Variants in MICAL2 observed in about 807,000 individuals in gnomAD.
MICAL2 encodes microtubule associated monooxygenase, calponin and LIM domain containing 2.
MICAL2 carries 77 observed loss-of-function variants against 127.3 expected under a neutral mutation model. The ratio of observed to expected loss-of-function variants is 0.60; its 90% CI spans 0.50 to 0.73. The LOEUF (loss-of-function observed/expected upper bound fraction) is 0.73. Among genes scored for constraint, MICAL2 ranks in the 30% least tolerant of loss-of-function variants. MICAL2 has a pLI of 0.00. For synonymous variants in MICAL2, 570 were observed against 551.1 expected, an observed-to-expected ratio of 1.03 and a Z score of -0.48; for missense variants, 1,351 against 1,434.4, an observed-to-expected ratio of 0.94 and a Z score of 0.94.
chr11:12,163,221 C>T (rs1855049842), intron 3 of MICAL2, among the ~76,000 whole-genome samples: 1 of 152,180 alleles, frequency 6.6e-6, no homozygotes, highest in Non-Finnish European at 1.5e-5. Context: ...CTGAAATGCC[C>T]AGCACCAGAT....
intron 3 of MICAL2, among the ~76,000 whole-genome samples, chr11:12,181,262 C>T (rs1857448567): frequency 6.6e-6 from 1 of 152,126 alleles, no homozygotes; most frequent in Admixed American, 6.6e-5. Context: ...CATTTATTTT[C>T]AAAAGAAATT....
At chr11:12,207,967 T>C (rs1854947059) in intron 4 of MICAL2, 56 bp from the exon 5 acceptor site, 1 of 1,295,924 alleles carries the variant, frequency 7.7e-7, no homozygotes, top group South Asian at 1.2e-5. Flanking sequence ...GCATTCTGCA[T>C]ATAGGTGGTG....
chr11:12,268,867 C>T (rs1243453243), intron 24 of MICAL2, among the ~76,000 whole-genome samples: 1 of 151,892 alleles, frequency 6.6e-6, no homozygotes, highest in African/African-American at 2.4e-5. Context: ...GGCGTAGTGG[C>T]AGGCGCCTGT....
At chr11:12,251,686 G>C (rs1006645660) in intron 22 of MICAL2, among the ~76,000 whole-genome samples, 2 of 151,946 alleles carry the variant, frequency 1.3e-5, no homozygotes, top group African/African-American at 4.8e-5. Context: ...GTGGGACCAG[G>C]TGTGGTCTTC....
In MICAL2 at chr11:12,226,500, C is replaced by CA. The variant is rs1857466361; in HGVS notation, c.1888+133dup. Reference sequence around the variant, plus strand: ...AGTGTGTTCCCCTTGACTTTGAGGCCAAACAGGGGTGACTCCACTCACCCA... The same window carrying CA: ...AGTGTGTTCCCCTTGACTTTGAGGCCAAAACAGGGGTGACTCCACTCACCCA... On this transcript the variant is annotated intron_variant, in intron 14 of 27. Coordinates refer to ENST00000683283, the MANE Select transcript of MICAL2 (RefSeq NM_001282663.2). The CA allele has an allele frequency of 4.6e-6, 4 of 863,422 alleles. No individual in the cohort carries two copies. In the East Asian group the frequency reaches 1.1e-4, roughly 23 times the overall value. 53.5% of individuals were successfully genotyped at this position (863,422 alleles called of 1,614,324 possible). A position where few individuals can be genotyped will look rare whatever the true frequency, so the allele number is the denominator to read the frequency against.
At chr11:12,330,901 GT>G (rs1864418576) in intron 32 of MICAL2, among the ~76,000 whole-genome samples, 1 of 54,014 alleles carries the variant, frequency 1.9e-5, no homozygotes, top group African/African-American at 1.3e-4. Flanking sequence ...GAGAGAGAGA[GT>G]GTGTGTGTGT....
chr11:12,185,709 C>T lies in MICAL2; in HGVS notation c.265-18541C>T, dbSNP rs192839001. On this transcript the variant is annotated intron_variant, in intron 3 of 27. Coordinates refer to ENST00000683283, the MANE Select transcript of MICAL2 (RefSeq NM_001282663.2). The stretch of plus-strand genomic sequence containing the variant: ...TCTTAGTGTTCTTTGTACGGTACTC[C>T]GCACTGCTCAGCTCTCCCAGCAGAG... Among the ~76,000 whole-genome samples the T allele has an allele frequency of 6.6e-4, 100 of 152,224 alleles. 4 individuals carry two copies. The South Asian group carries it at 0.015, about 22-fold the overall frequency.
chr11:12,349,126 G>T (rs931742887), intron 32 of MICAL2, among the ~76,000 whole-genome samples: 3 of 152,092 alleles, frequency 2.0e-5, no homozygotes, highest in African/African-American at 4.8e-5. Flanking sequence ...TGAAATATTC[G>T]AAAGCCACCT....
Position 12,227,108 on chromosome 11 carries a change from T to A in MICAL2, c.1972T>A (p.Phe658Ile), listed in dbSNP as rs1286284993. The A allele has an allele frequency of 1.4e-5, 22 of 1,613,896 alleles. No individual in the cohort carries two copies. The highest frequency in any genetic ancestry group is 1.9e-5 in the Non-Finnish European group (22 of 1,179,782). ...TTCTAATAACTATCTCAACCTCACA[T>A]TTCCAAGGAAGAGGACTCCACGGGT... ...SISNNYLNLT[F>I]PRKRTPRVDG... The change falls in exon 15 of 28, where the codon TTT becomes ATT. Residue 658 changes from phenylalanine to isoleucine, a missense_variant. Physicochemically the swap from Phe to Ile is conservative, Grantham distance 21. Around this residue, in one of 2 missense-constraint regions of MICAL2, gnomAD observed 752 missense variants for 719.4 expected, o/e 1.05. Transcript: ENST00000683283.
At chr11:12,181,990 T>C (rs1857538101) in intron 3 of MICAL2, among the ~76,000 whole-genome samples, 1 of 152,238 alleles carries the variant, frequency 6.6e-6, no homozygotes, top group Non-Finnish European at 1.5e-5. Flanking sequence ...TCATCACTAA[T>C]AGAAATCACA....
At chr11:12,221,005 C>T (rs1241405133) in intron 9 of MICAL2, among the ~76,000 whole-genome samples, 1 of 152,200 alleles carries the variant, frequency 6.6e-6, no homozygotes, top group Non-Finnish European at 1.5e-5. Flanking sequence ...TGTATTTATT[C>T]CAAGTTAAGA....
At chr11:12,141,632 T>C (rs920717304) in intron 2 of MICAL2, among the ~76,000 whole-genome samples, 2 of 152,122 alleles carry the variant, frequency 1.3e-5, no homozygotes, top group African/African-American at 4.8e-5. Flanking sequence ...GGAGTGAAAG[T>C]TGGTTGGTAT....
intron 20 of MICAL2, chr11:12,243,350 G>A (rs923803180): frequency 6.5e-6 from 1 of 152,894 alleles, no homozygotes; most frequent in African/African-American, 2.4e-5. Flanking sequence ...TTGCTGAAAA[G>A]AAGAGCATGT....
At chr11:12,312,727 A>G (rs185433158) in intron 29 of MICAL2, among the ~76,000 whole-genome samples, 8 of 152,348 alleles carry the variant, frequency 5.3e-5, no homozygotes, top group Admixed American at 2.0e-4. Context: ...ATGAAGAAAT[A>G]TAATTGGACA....
rs779143285 is a variant in MICAL2, at chr11:12,241,055, G to A, written c.2230G>A (p.Gly744Arg). The change falls in exon 18 of 28, where the codon GGG becomes AGG. Residue 744 changes from glycine to arginine, a missense_variant. Gly to Arg is a moderately radical substitution (Grantham distance 125). Transcript: ENST00000683283. The part of the protein sequence containing the change: ...SLMKQERRVS[G>R]IGKPVLCSSS... ...CTTCTCCCAGGAACGCCGTGTCTCA[G>A]GGATAGGTAAGCCGGTCCTGTGCTC... 6.2e-7 allele frequency: 1 copy of A among 1,614,074 alleles called. No individual in the cohort carries two copies. The highest frequency in any genetic ancestry group is 8.5e-7 in the Non-Finnish European group (1 of 1,179,986).
intron 1 of MICAL2, among the ~76,000 whole-genome samples, chr11:12,137,919 G>A (rs1436732240): frequency 2.6e-5 from 4 of 152,200 alleles, no homozygotes; most frequent in African/African-American, 9.6e-5. Flanking sequence ...ACTCAGCCAT[G>A]ATCAGCTGGT....
intron 24 of MICAL2, among the ~76,000 whole-genome samples, chr11:12,257,700 T>C (rs1862507491): frequency 1.3e-5 from 2 of 152,186 alleles, no homozygotes; most frequent in Non-Finnish European, 2.9e-5. Context: ...CTCAGGGTGG[T>C]TGTGATGACT....
At chr11:12,274,152 G>A (rs1021573493), upstream of MICAL2, among the ~76,000 whole-genome samples, 2 of 152,086 alleles carry the variant, frequency 1.3e-5, no homozygotes, top group Non-Finnish European at 2.9e-5. Context: ...TGTGGAGAGG[G>A]AGGAGGGAAG....
intron 3 of MICAL2, among the ~76,000 whole-genome samples, chr11:12,189,292 TG>T (rs1465348081): frequency 1.1e-4 from 17 of 152,184 alleles, no homozygotes; most frequent in Admixed American, 4.6e-4. Context: ...GGAACCTTGA[TG>T]TTTTTTTTGT....
Sources: gnomAD v4.1 joint callset for allele counts (sites outside exome capture counted in the v4.1 genomes callset) on GRCh38, gnomAD v4.1.1 for gene constraint, gnomAD v4.1.1 regional missense constraint, MANE v1.5 for transcripts, NCBI Gene and HGNC (gene_info 2026-07-23, HGNC 2026-07-21) for gene names.